MICU2: variants seen among roughly 807,000 people sequenced by gnomAD.
The protein encoded by MICU2 is calcium uptake protein 2, mitochondrial.
Under a neutral mutation model 60.4 loss-of-function variants are expected in MICU2, and 64 were observed. The ratio of observed to expected loss-of-function variants is 1.06; its 90% CI spans 0.87 to 1.31. The LOEUF (loss-of-function observed/expected upper bound fraction) is 1.31. MICU2 is among the 50% of genes most tolerant of loss of function. The pLI, the probability that MICU2 is intolerant of heterozygous loss-of-function variation, is 0.00. For missense variants in MICU2, 569 were observed against 531.0 expected (o/e 1.07, Z -0.70); for synonymous variants, 201 against 175.0 (o/e 1.15, Z -1.17).
intron 2 of MICU2, among the ~76,000 whole-genome samples, chr13:21,562,683 T>G (rs1465254937): frequency 2.0e-5 from 3 of 152,242 alleles, no homozygotes; most frequent in Non-Finnish European, 4.4e-5. Flanking sequence ...TCCTCCCTCC[T>G]GTCCCTTATA....
intron 1 of MICU2, among the ~76,000 whole-genome samples, chr13:21,576,361 T>C (rs967365904): frequency 6.6e-6 from 1 of 152,146 alleles, no homozygotes; most frequent in African/African-American, 2.4e-5. Context: ...TATGTACCCA[T>C]GCAAAAAGAC....
At chr13:21,551,063 G>A (rs1887549242) in intron 2 of MICU2, among the ~76,000 whole-genome samples, 1 of 152,134 alleles carries the variant, frequency 6.6e-6, no homozygotes, top group Admixed American at 6.6e-5. Context: ...TTTCTCACCT[G>A]CTCATGTCCT....
chr13:21,588,566 A>C (rs1888507454), intron 1 of MICU2, among the ~76,000 whole-genome samples: 1 of 152,148 alleles, frequency 6.6e-6, no homozygotes, highest in Admixed American at 6.6e-5. Context: ...TTCCTTGGAG[A>C]CTGGAAGGAT....
At chr13:21,589,179 C>T (rs1190783115) in intron 1 of MICU2, among the ~76,000 whole-genome samples, 1 of 152,178 alleles carries the variant, frequency 6.6e-6, no homozygotes, top group Non-Finnish European at 1.5e-5. Flanking sequence ...GACTTCTCTA[C>T]CCAATGAGTT....
chr13:21,594,616 A>G (rs1219631684), intron 1 of MICU2, among the ~76,000 whole-genome samples: 1 of 152,240 alleles, frequency 6.6e-6, no homozygotes, highest in Non-Finnish European at 1.5e-5. Context: ...TAGCAAAGAC[A>G]TGGAACAAAC....
Position 21,539,376 on chromosome 13 carries a change from TC to T in MICU2, c.391del (p.Asp131ThrfsTer27), listed in dbSNP as rs752792974. The T allele has an allele frequency of 1.2e-6, 2 of 1,612,302 alleles. No homozygotes were observed. The highest frequency in any genetic ancestry group is 1.3e-5 in the African/African-American group (1 of 74,796). On this transcript the variant is annotated frameshift_variant and splice_region_variant, in exon 4 of 12. Coordinates refer to ENST00000382374, the MANE Select transcript of MICU2 (RefSeq NM_152726.3). LOFTEE classifies it high-confidence loss of function. ...GATCCCTGACAGTGTATCCTCGATGTCCTTTGAATACACATATTAAAATTAA... is the reference window on the plus strand; with the variant it reads ...GATCCCTGACAGTGTATCCTCGATGTCTTTGAATACACATATTAAAATTAA... Reference protein sequence around the residue: ...KTSVKKLTKKDIEDTLSGIQT... With the variant: ...KTSVKKLTKKXIEDTLSGIQT...
At chr13:21,497,071 A>C (rs1438492559) in intron 9 of MICU2, among the ~76,000 whole-genome samples, 4 of 151,386 alleles carry the variant, frequency 2.6e-5, no homozygotes, top group Non-Finnish European at 5.9e-5. Flanking sequence ...CAAAAAATAC[A>C]TAACAAACAA....
intron 1 of MICU2, among the ~76,000 whole-genome samples, chr13:21,582,044 C>T (rs1247777460): frequency 1.3e-5 from 2 of 152,194 alleles, no homozygotes; most frequent in Non-Finnish European, 2.9e-5. Flanking sequence ...CCTTCCCCTG[C>T]TCTATATAAG....
chr13:21,574,327 AC>A (rs1389827508), intron 1 of MICU2, among the ~76,000 whole-genome samples: 1 of 152,234 alleles, frequency 6.6e-6, no homozygotes, highest in Non-Finnish European at 1.5e-5. Flanking sequence ...TTGGGGCTAT[AC>A]TGAACACATG....
intron 1 of MICU2, among the ~76,000 whole-genome samples, chr13:21,592,332 A>C (rs1888601910): frequency 6.6e-6 from 1 of 152,190 alleles, no homozygotes; most frequent in Non-Finnish European, 1.5e-5. Flanking sequence ...CGAATCCTTG[A>C]ATAGACCAAT....
intron 9 of MICU2, among the ~76,000 whole-genome samples, chr13:21,497,320 G>A (rs999021385): frequency 6.7e-6 from 1 of 150,232 alleles, no homozygotes; most frequent in Non-Finnish European, 1.5e-5. Flanking sequence ...AGCCAAGATC[G>A]CGCCACTGCA....
rs560694732 is a variant in MICU2, at chr13:21,508,130, T to C, written c.761+1874A>G. ...ACACTAGTTCAAGGCTCTTCTTTCT[T>C]TTTTTTTTTTTTTGAGACGGAGTCT... On this transcript the variant is annotated intron_variant, in intron 8 of 11. Transcript: ENST00000382374. 5.5e-5 allele frequency among the ~76,000 whole-genome samples: 8 copies of C among 144,362 alleles called. No individual in the cohort carries two copies. In the East Asian group the frequency reaches 7.8e-4, roughly 14 times the overall value. The allele number at this position is 144,362 out of a possible 152,430, so 94.7% of individuals were successfully genotyped here.
chr13:21,503,080 T>C lies in MICU2; in HGVS notation c.779A>G (p.Gln260Arg), dbSNP rs17853349. The C allele has an allele frequency of 1.3e-6, 2 of 1,596,262 alleles. No homozygotes were observed. Among genetic ancestry groups the C allele is most frequent in the African/African-American group, 1.4e-5 (1 of 73,656 alleles). ...KEFRRFMENL[Q>R]TEIQEMEFLQ... ...GAATTCCATTTCTTGAATCTCTGTT[T>C]GTAAATTTTCCATAAATCTGAATGT... The change falls in exon 9 of 12, where the codon CAA becomes CGA. Residue 260 changes from glutamine to arginine, a missense_variant. Coordinates refer to ENST00000382374, the MANE Select transcript of MICU2 (RefSeq NM_152726.3).
At chr13:21,601,726 G>C (rs1038172359) in intron 1 of MICU2, among the ~76,000 whole-genome samples, 7 of 152,208 alleles carry the variant, frequency 4.6e-5, no homozygotes, top group Non-Finnish European at 7.3e-5. Context: ...TCTAGGGATA[G>C]TGAGTGAATC....
intron 9 of MICU2, among the ~76,000 whole-genome samples, chr13:21,496,817 A>C (rs1035100388): frequency 6.6e-6 from 1 of 152,156 alleles, no homozygotes; most frequent in African/African-American, 2.4e-5. Context: ...GCACTTTGGG[A>C]GGCGGAGGCG....
In MICU2 at chr13:21,493,170, G is replaced by T; in HGVS notation, c.*79C>A. 1 of 821,770 alleles carries T rather than the reference G, an allele frequency of 1.2e-6. No individual in the cohort carries two copies. The highest frequency in any genetic ancestry group is 1.9e-6 in the Non-Finnish European group (1 of 539,566). The allele number at this position is 821,770 out of a possible 1,614,324, so 50.9% of individuals were successfully genotyped here. A position where few individuals can be genotyped will look rare whatever the true frequency, so the allele number is the denominator to read the frequency against. The stretch of plus-strand genomic sequence containing the variant: ...CAGAATATCAATGAAGACTTAAGAA[G>T]ATAAATAGCAAGTACTTCTAAAAAA... On this transcript the variant is annotated 3_prime_UTR_variant, in exon 12 of 12. Transcript: ENST00000382374.
At chr13:21,521,189 TCACA>T in intron 6 of MICU2, 52 bp downstream of exon 6, 1 of 1,306,702 alleles carries the variant, frequency 7.7e-7, no homozygotes, top group South Asian at 1.3e-5. Context: ...TGTAAAATTA[TCACA>T]CAAACATCCA....
At chr13:21,536,431 G>A (rs932470515) in intron 4 of MICU2, among the ~76,000 whole-genome samples, 1 of 151,728 alleles carries the variant, frequency 6.6e-6, no homozygotes, top group African/African-American at 2.4e-5. Flanking sequence ...GAGCTCAAGC[G>A]ATCCTGTCAC....
At chr13:21,502,655 G>A (rs967917510) in intron 9 of MICU2, among the ~76,000 whole-genome samples, 1 of 152,058 alleles carries the variant, frequency 6.6e-6, no homozygotes, top group Non-Finnish European at 1.5e-5. Flanking sequence ...ATTTGGACTG[G>A]TTAAGATTTA....
Sources: allele counts gnomAD v4.1 joint callset (sites outside exome capture counted in the v4.1 genomes callset), GRCh38; gene constraint gnomAD v4.1.1; transcripts MANE v1.5; gene names NCBI Gene and HGNC (gene_info 2026-07-23, HGNC 2026-07-21).